The following ROBO2 variants were observed in gnomAD, a reference collection of about 807,000 sequenced individuals.
The protein encoded by ROBO2 is roundabout guidance receptor 2, also known as roundabout homolog 2.
Under a neutral mutation model 160.8 loss-of-function variants are expected in ROBO2, and 53 were observed. The observed-to-expected ratio is 0.33, with a 90% CI of 0.26 to 0.41. The LOEUF (loss-of-function observed/expected upper bound fraction) is 0.41. Ranked by LOEUF, ROBO2 falls within the 10% of genes least tolerant of loss-of-function variation. The pLI is 1.00. For missense variants in ROBO2, 1,577 were observed against 1,722.4 expected (o/e 0.92, Z 1.49); for synonymous variants, 664 against 611.7 (o/e 1.09, Z -1.26).
intron 2 of ROBO2, among the ~76,000 whole-genome samples, chr3:76,060,437 G>A (rs1425456025): frequency 6.6e-6 from 1 of 152,156 alleles, no homozygotes; most frequent in Non-Finnish European, 1.5e-5. Flanking sequence ...TGCCTTTGCA[G>A]CTCTCTAAGG....
intron 2 of ROBO2, among the ~76,000 whole-genome samples, chr3:76,708,109 T>A (rs1259577440): frequency 6.6e-6 from 1 of 152,152 alleles, no homozygotes; most frequent in African/African-American, 2.4e-5. Context: ...TATCTTTATA[T>A]CTCTGAAATT....
At chr3:76,582,236 C>G (rs935769073) in intron 2 of ROBO2, among the ~76,000 whole-genome samples, 1 of 152,164 alleles carries the variant, frequency 6.6e-6, no homozygotes, top group Admixed American at 6.5e-5. Context: ...TCTTCAGTTA[C>G]TCCATAAGAT....
chr3:77,195,294 C>G (rs1245292980), intron 2 of ROBO2, among the ~76,000 whole-genome samples: 1 of 151,970 alleles, frequency 6.6e-6, no homozygotes, highest in African/African-American at 2.4e-5. Context: ...ATGTCCAATA[C>G]TTTGGTGAAA....
intron 2 of ROBO2, among the ~76,000 whole-genome samples, chr3:76,302,296 A>G (rs2107743405): frequency 6.6e-6 from 1 of 152,210 alleles, no homozygotes; most frequent in Non-Finnish European, 1.5e-5. Context: ...ACTATTTTCC[A>G]GCTTATCAAT....
intron 2 of ROBO2, among the ~76,000 whole-genome samples, chr3:76,121,782 C>T (rs2070763320): frequency 6.6e-6 from 1 of 152,076 alleles, no homozygotes; most frequent in Admixed American, 6.5e-5. Flanking sequence ...AACATTCATG[C>T]CATGAATACC....
chr3:75,977,604 A>C (rs2065165597), intron 2 of ROBO2, among the ~76,000 whole-genome samples: 1 of 151,556 alleles, frequency 6.6e-6, no homozygotes, highest in African/African-American at 2.4e-5. Flanking sequence ...ATATGAATTT[A>C]GCTAAAGAAA....
intron 2 of ROBO2, among the ~76,000 whole-genome samples, chr3:77,425,184 T>C (rs2153535824): frequency 6.9e-6 from 1 of 144,036 alleles, no homozygotes; most frequent in African/African-American, 2.6e-5. Flanking sequence ...TTGTCAGGGA[T>C]GCAATGGCAA....
chr3:76,598,390 G>A (rs1436983641), intron 2 of ROBO2, among the ~76,000 whole-genome samples: 2 of 152,098 alleles, frequency 1.3e-5, no homozygotes. Flanking sequence ...TAATGTGGTA[G>A]TGAATATGCA....
At chr3:77,446,826 A>G (rs1309086990) in intron 2 of ROBO2, among the ~76,000 whole-genome samples, 1 of 152,120 alleles carries the variant, frequency 6.6e-6, no homozygotes, top group African/African-American at 2.4e-5. Context: ...GGGTGCTCAC[A>G]GTAGAATTTT....
At chr3:77,462,213 C>A (rs960048363) in intron 2 of ROBO2, among the ~76,000 whole-genome samples, 1 of 152,054 alleles carries the variant, frequency 6.6e-6, no homozygotes, top group African/African-American at 2.4e-5. Context: ...CCTTTAGAAC[C>A]TCCTCACTCA....
intron 2 of ROBO2, among the ~76,000 whole-genome samples, chr3:76,173,679 A>G (rs986693949): frequency 6.6e-6 from 1 of 152,118 alleles, no homozygotes; most frequent in Admixed American, 6.6e-5. Flanking sequence ...ATGTCCCTGA[A>G]AAGGACATGA....
intron 2 of ROBO2, among the ~76,000 whole-genome samples, chr3:76,020,565 T>A (rs2066544494): frequency 6.6e-6 from 1 of 151,876 alleles, no homozygotes; most frequent in Non-Finnish European, 1.5e-5. Flanking sequence ...TAATTTTCTC[T>A]ATTCCCTCTT....
intron 1 of ROBO2, among the ~76,000 whole-genome samples, chr3:75,907,650 G>C (rs1196025087): frequency 6.6e-6 from 1 of 152,014 alleles, no homozygotes; most frequent in South Asian, 2.1e-4. Flanking sequence ...TTAAGTGGCC[G>C]ACTGACAGGA....
At chr3:76,234,738 C>T (rs1402984377) in intron 2 of ROBO2, among the ~76,000 whole-genome samples, 3 of 152,154 alleles carry the variant, frequency 2.0e-5, no homozygotes, top group Non-Finnish European at 4.4e-5. Context: ...GCCTTTACTA[C>T]CAGTAAAATT....
intron 2 of ROBO2, among the ~76,000 whole-genome samples, chr3:76,597,423 T>TA (rs1488757983): frequency 2.0e-5 from 3 of 151,026 alleles, no homozygotes; most frequent in Admixed American, 6.6e-5. Flanking sequence ...TAAAACAAAC[T>TA]AAAAAACAAA....
chr3:77,377,112 T>C (rs2072790286), intron 2 of ROBO2, among the ~76,000 whole-genome samples: 1 of 152,224 alleles, frequency 6.6e-6, no homozygotes, highest in Non-Finnish European at 1.5e-5. Flanking sequence ...ATTTCCCTAC[T>C]TTATTTTAGA....
intron 2 of ROBO2, among the ~76,000 whole-genome samples, chr3:76,723,897 T>A (rs1407364063): frequency 2.0e-5 from 3 of 152,302 alleles, no homozygotes; most frequent in African/African-American, 7.2e-5. Context: ...TAAATCAGAA[T>A]CCCTAGAAGT....
intron 2 of ROBO2, among the ~76,000 whole-genome samples, chr3:76,392,577 G>T (rs1324809662): frequency 6.6e-6 from 1 of 152,044 alleles, no homozygotes; most frequent in Non-Finnish European, 1.5e-5. Context: ...CTTTCATTGT[G>T]CATTTTCCCG....
chr3:76,748,709 G>A (rs1359332956), intron 2 of ROBO2, among the ~76,000 whole-genome samples: 1 of 151,622 alleles, frequency 6.6e-6, no homozygotes, highest in Non-Finnish European at 1.5e-5. Flanking sequence ...CGTTAATAAG[G>A]GCATGAGAAA....
Sources: allele counts gnomAD v4.1 joint callset (sites outside exome capture counted in the v4.1 genomes callset), GRCh38; gene constraint gnomAD v4.1.1; transcripts MANE v1.5; gene names NCBI Gene and HGNC (gene_info 2026-07-23, HGNC 2026-07-21).